The following RBFOX1 variants were observed in gnomAD, a reference collection of about 807,000 sequenced individuals.
The protein encoded by RBFOX1 is RNA binding fox-1 homolog 1.
Under a neutral mutation model 57.7 loss-of-function variants are expected in RBFOX1, and 8 were observed. That is an observed-to-expected ratio of 0.14 (90% CI 0.08 to 0.25). The LOEUF (loss-of-function observed/expected upper bound fraction) is 0.25, where lower values mean the gene tolerates loss of function less well. RBFOX1 is among the 10% of genes least tolerant of loss of function. The pLI is 1.00. For missense variants in RBFOX1, 611 were observed against 548.5 expected (o/e 1.11, Z -1.14); for synonymous variants, 326 against 222.4 (o/e 1.47, Z -4.15).
chr16:7,161,772 A>G (rs2078376190), intron 4 of RBFOX1, among the ~76,000 whole-genome samples: 1 of 152,202 alleles, frequency 6.6e-6, no homozygotes, highest in Admixed American at 6.5e-5. Flanking sequence ...ACAAACCAAC[A>G]TTTATAGAGG....
chr16:7,497,552 T>C (rs1043789365), intron 4 of RBFOX1, among the ~76,000 whole-genome samples: 7 of 152,218 alleles, frequency 4.6e-5, no homozygotes, highest in Non-Finnish European at 7.3e-5. Context: ...GCAGGACTAT[T>C]TTCTTATCTC....
intron 4 of RBFOX1, among the ~76,000 whole-genome samples, chr16:7,424,798 C>T (rs909334156): frequency 6.6e-6 from 1 of 152,160 alleles, no homozygotes; most frequent in African/African-American, 2.4e-5. Flanking sequence ...GAAACAATCA[C>T]ATAATCACCT....
chr16:7,086,060 C>G (rs192589837), intron 4 of RBFOX1, among the ~76,000 whole-genome samples: 2 of 152,292 alleles, frequency 1.3e-5, no homozygotes, highest in African/African-American at 4.8e-5. Flanking sequence ...GTCTCCATCA[C>G]TGCTTGTTTT....
chr16:7,210,962 A>G (rs1218024438), intron 4 of RBFOX1, among the ~76,000 whole-genome samples: 1 of 152,104 alleles, frequency 6.6e-6, no homozygotes, highest in South Asian at 2.1e-4. Context: ...GGAAGAAAGG[A>G]AACTAATTTT....
intron 2 of RBFOX1, among the ~76,000 whole-genome samples, chr16:6,467,971 T>G (rs1181406024): frequency 6.6e-6 from 1 of 152,236 alleles, no homozygotes; most frequent in Non-Finnish European, 1.5e-5. Context: ...TTAATGTTTC[T>G]AATGGTCATC....
intron 4 of RBFOX1, among the ~76,000 whole-genome samples, chr16:5,888,303 C>G (rs1037180343): frequency 3.3e-5 from 5 of 152,184 alleles, no homozygotes; most frequent in African/African-American, 1.2e-4. Context: ...ATTATCCATC[C>G]CAAAGTGAGC....
At chr16:6,154,833 AAT>A (rs2096827546) in intron 1 of RBFOX1, among the ~76,000 whole-genome samples, 1 of 152,242 alleles carries the variant, frequency 6.6e-6, no homozygotes, top group Non-Finnish European at 1.5e-5. Context: ...TGTTCATTTG[AAT>A]ATAAGAACAA....
intron 1 of RBFOX1, among the ~76,000 whole-genome samples, chr16:6,239,182 T>C (rs1260839935): frequency 6.6e-6 from 1 of 152,108 alleles, no homozygotes; most frequent in African/African-American, 2.4e-5. Context: ...TAAATAACGG[T>C]ATGAATGAAT....
intron 4 of RBFOX1, among the ~76,000 whole-genome samples, chr16:6,012,202 C>G (rs561367773): frequency 4.6e-5 from 7 of 152,310 alleles, no homozygotes; most frequent in Non-Finnish European, 8.8e-5. Flanking sequence ...TTTCTCTAGA[C>G]CTCATCTGTA....
At chr16:5,796,437 A>T (rs1465073747) in intron 3 of RBFOX1, among the ~76,000 whole-genome samples, 1 of 152,154 alleles carries the variant, frequency 6.6e-6, no homozygotes, top group African/African-American at 2.4e-5. Context: ...GTGGCCTCAA[A>T]AGCATCACAT....
chr16:6,707,860 C>T (rs1463192661), intron 3 of RBFOX1, among the ~76,000 whole-genome samples: 2 of 152,158 alleles, frequency 1.3e-5, no homozygotes, highest in Non-Finnish European at 2.9e-5. Flanking sequence ...ACAAAGAAAA[C>T]ATTAAGCTTG....
At chr16:6,365,674 T>C (rs1046670053) in intron 2 of RBFOX1, among the ~76,000 whole-genome samples, 1 of 152,184 alleles carries the variant, frequency 6.6e-6, no homozygotes, top group African/African-American at 2.4e-5. Flanking sequence ...AGCAATGTGG[T>C]ATAGTGGAAA....
chr16:6,864,965 G>C (rs1394777981), intron 3 of RBFOX1, among the ~76,000 whole-genome samples: 1 of 146,938 alleles, frequency 6.8e-6, no homozygotes, highest in African/African-American at 2.5e-5. Flanking sequence ...CTCAATCCCA[G>C]TGCCAATGTT....
At chr16:5,966,208 A>C (rs1021838205) in intron 4 of RBFOX1, among the ~76,000 whole-genome samples, 38 of 152,322 alleles carry the variant, frequency 2.5e-4, no homozygotes, top group African/African-American at 8.7e-4. Context: ...TGCATATAGA[A>C]ATAGAACGTG....
intron 3 of RBFOX1, among the ~76,000 whole-genome samples, chr16:5,721,328 T>C (rs1329568601): frequency 6.6e-6 from 1 of 152,180 alleles, no homozygotes; most frequent in Non-Finnish European, 1.5e-5. Context: ...AATTTATTGG[T>C]TTTAATACTT....
intron 3 of RBFOX1, among the ~76,000 whole-genome samples, chr16:6,831,456 A>T (rs2092703308): frequency 6.6e-6 from 1 of 152,084 alleles, no homozygotes; most frequent in East Asian, 1.9e-4. Context: ...ACCTCAGCAA[A>T]CCCTCCAACC....
intron 14 of RBFOX1, among the ~76,000 whole-genome samples, chr16:7,699,270 A>G (rs867701090): frequency 3.6e-5 from 3 of 83,280 alleles, no homozygotes; most frequent in African/African-American, 1.2e-4. Flanking sequence ...AGCTTCCTGT[A>G]ATCCTGGACC....
chr16:6,450,777 A>ATG (rs1567302774), intron 2 of RBFOX1, among the ~76,000 whole-genome samples: 7 of 39,526 alleles, frequency 1.8e-4, no homozygotes, highest in Admixed American at 9.9e-4. Flanking sequence ...GTATATATAT[A>ATG]TATATATATA....
intron 1 of RBFOX1, among the ~76,000 whole-genome samples, chr16:5,424,346 G>A (rs745607575): frequency 2.0e-5 from 3 of 152,136 alleles, no homozygotes; most frequent in Non-Finnish European, 2.9e-5. Flanking sequence ...TAGTTTATCA[G>A]TGTGGTGTCT....
Sources: allele counts gnomAD v4.1 joint callset (sites outside exome capture counted in the v4.1 genomes callset), GRCh38; gene constraint gnomAD v4.1.1; transcripts MANE v1.5; gene names NCBI Gene and HGNC (gene_info 2026-07-23, HGNC 2026-07-21).